Variants in NEGR1 observed in about 807,000 individuals in gnomAD.
The protein encoded by NEGR1 is IgLON family member 4.
NEGR1 carries 10 observed loss-of-function variants against 40.9 expected under a neutral mutation model. The ratio of observed to expected loss-of-function variants is 0.24; its 90% CI spans 0.15 to 0.42. NEGR1 has a LOEUF of 0.42. Ranked by LOEUF, NEGR1 falls within the 10% of genes least tolerant of loss-of-function variation. The pLI is 1.00. For missense variants in NEGR1, 352 were observed against 438.9 expected (o/e 0.80, Z 1.77); for synonymous variants, 185 against 166.8 (o/e 1.11, Z -0.84).
intron 5 of NEGR1, among the ~76,000 whole-genome samples, chr1:71,597,462 C>G (rs1169186724): frequency 0.072 from 2,137 of 29,866 alleles, 65 homozygotes; most frequent in African/African-American, 0.14. Flanking sequence ...CTCTCTCTCT[C>G]TCTCTCTCTC....
chr1:72,120,885 C>T (rs1049737367), intron 1 of NEGR1, among the ~76,000 whole-genome samples: 27 of 151,880 alleles, frequency 1.8e-4, no homozygotes, highest in African/African-American at 5.6e-4. Flanking sequence ...AAATAACTTG[C>T]TTTCACATAC....
intron 6 of NEGR1, among the ~76,000 whole-genome samples, chr1:71,408,436 G>GTCT (rs1646293201): frequency 6.6e-6 from 1 of 151,976 alleles, no homozygotes; most frequent in Non-Finnish European, 1.5e-5. Flanking sequence ...AAATATTACA[G>GTCT]TCTTATATAT....
intron 6 of NEGR1, among the ~76,000 whole-genome samples, chr1:71,571,787 C>CAAAAA (rs34844215): frequency 1.9e-5 from 2 of 106,502 alleles, no homozygotes; most frequent in African/African-American, 7.3e-5. Flanking sequence ...GCCCCTGTCT[C>CAAAAA]AAAAAAAAAA....
At chr1:72,184,133 G>A (rs1652520375) in intron 1 of NEGR1, among the ~76,000 whole-genome samples, 1 of 152,104 alleles carries the variant, frequency 6.6e-6, no homozygotes, top group Non-Finnish European at 1.5e-5. Context: ...TTATGGGAAA[G>A]GGAAGTTTGG....
chr1:71,954,498 C>A (rs1237599371), intron 1 of NEGR1, among the ~76,000 whole-genome samples: 1 of 151,540 alleles, frequency 6.6e-6, no homozygotes, highest in Non-Finnish European at 1.5e-5. Flanking sequence ...ATCATAGTAA[C>A]CCTCTGAAGT....
rs187609322 is a variant in NEGR1 at position 71,994,460 on chromosome 1, G to A, written c.177-59149C>T. ...GGAGAATGGCCTGAACCCGGGAGGC[G>A]GAGCTTGCAGTGAGCCGAGATGGCA... is the stretch of plus-strand genomic sequence containing the variant. On this transcript the variant is annotated intron_variant, in intron 1 of 6. Coordinates refer to ENST00000357731, the MANE Select transcript of NEGR1 (RefSeq NM_173808.3). Among the ~76,000 whole-genome samples, 736 of 151,876 alleles carry A rather than the reference G, an allele frequency of 4.8e-3. 4 individuals carry two copies. Among genetic ancestry groups the A allele is most frequent in the African/African-American group, 0.016 (668 of 41,412 alleles).
At chr1:71,771,699 CAAAAAAAAAA>C (rs60830449) in intron 3 of NEGR1, among the ~76,000 whole-genome samples, 287 of 12,126 alleles carry the variant, frequency 0.024, 8 homozygotes, top group African/African-American at 0.065. Context: ...GACTTAGTCT[CAAAAAAAAAA>C]AAAAAAAAAA....
At chr1:71,931,018 A>G (rs1239001010) in intron 2 of NEGR1, among the ~76,000 whole-genome samples, 1 of 152,138 alleles carries the variant, frequency 6.6e-6, no homozygotes, top group Non-Finnish European at 1.5e-5. Flanking sequence ...TATCCTCAAA[A>G]GGGCCCGGAA....
At chr1:71,507,571 TAAGACTATTTCAAAGCATTC>T (rs1248544505) in intron 6 of NEGR1, among the ~76,000 whole-genome samples, 17 of 152,138 alleles carry the variant, frequency 1.1e-4, no homozygotes, top group Non-Finnish European at 1.5e-4. Context: ...CCTCCCAAAC[TAAGACTATTTCAAAGCATTC>T]AAGTAAATTT....
chr1:71,567,152 A>C (rs957998778), intron 6 of NEGR1, among the ~76,000 whole-genome samples: 5 of 152,192 alleles, frequency 3.3e-5, no homozygotes, highest in Admixed American at 2.6e-4. Context: ...CTCAAGTTTT[A>C]GACCAATGCA....
chr1:72,110,246 T>G (rs1467425198), intron 1 of NEGR1, among the ~76,000 whole-genome samples: 1 of 133,476 alleles, frequency 7.5e-6, no homozygotes, highest in Non-Finnish European at 1.6e-5. Flanking sequence ...AAAAAAAGAA[T>G]TGTGTGTATA....
chr1:71,935,283 C>T lies in NEGR1; in HGVS notation c.205G>A (p.Gly69Ser). The T allele has an allele frequency of 6.2e-7, 1 of 1,613,672 alleles. No individual in the cohort carries two copies. ...RCYLEDGASKGAWLNRSSIIF... is the reference protein window; with the variant it reads ...RCYLEDGASKSAWLNRSSIIF... ...ATACTTGACCGGTTCAGCCAGGCAC[C>T]CTTTGAAGCTCCATCTTCCAAATAA... The change falls in exon 2 of 7, where the codon GGT becomes AGT. Residue 69 changes from glycine to serine, a missense_variant. By Grantham distance (56) the Gly-to-Ser change is moderately conservative. This residue lies in a region of NEGR1 where 81 missense variants were observed against 85.8 expected (regional missense o/e 0.94). Coordinates refer to ENST00000357731, the MANE Select transcript of NEGR1 (RefSeq NM_173808.3).
At chr1:71,440,407 T>C (rs1472881264) in intron 6 of NEGR1, among the ~76,000 whole-genome samples, 1 of 152,192 alleles carries the variant, frequency 6.6e-6, no homozygotes, top group African/African-American at 2.4e-5. Context: ...TTTATTTGGA[T>C]TAGAGATCTA....
At chr1:72,165,425 T>A (rs77773765) in intron 1 of NEGR1, among the ~76,000 whole-genome samples, 4,838 of 152,058 alleles carry the variant, frequency 0.032, 129 homozygotes, top group Middle Eastern at 0.071. Flanking sequence ...CAGTTTTAGA[T>A]CTGATGATTC....
chr1:71,836,134 C>A (rs1342260094), intron 2 of NEGR1, among the ~76,000 whole-genome samples: 1 of 151,876 alleles, frequency 6.6e-6, no homozygotes, highest in Non-Finnish European at 1.5e-5. Context: ...TGGAGTTAAA[C>A]CCAAATAGAC....
chr1:71,932,449 G>A (rs1645864429), intron 2 of NEGR1, among the ~76,000 whole-genome samples: 1 of 151,810 alleles, frequency 6.6e-6, no homozygotes, highest in African/African-American at 2.4e-5. Flanking sequence ...ATTAGAATGC[G>A]GGTTTTCCTA....
intron 1 of NEGR1, among the ~76,000 whole-genome samples, chr1:72,013,232 G>GA (rs1327395194): frequency 6.6e-5 from 10 of 151,954 alleles, no homozygotes; most frequent in East Asian, 3.9e-4. Flanking sequence ...TATTTTGTGG[G>GA]AAAAAATCCA....
chr1:72,117,692 T>A (rs1385912), intron 1 of NEGR1, among the ~76,000 whole-genome samples: 82,796 of 151,496 alleles, frequency 0.55, 23,360 homozygotes, highest in African/African-American at 0.7. Context: ...AGCCAGACAT[T>A]TATTCCGCAA....
At chr1:71,667,473 C>T (rs141152813) in intron 4 of NEGR1, among the ~76,000 whole-genome samples, 17 of 152,238 alleles carry the variant, frequency 1.1e-4, no homozygotes, top group African/African-American at 1.7e-4. Flanking sequence ...GGACAGAGCC[C>T]TGGGTGGGAT....
Sources: gnomAD v4.1 joint callset for allele counts (sites outside exome capture counted in the v4.1 genomes callset) on GRCh38, gnomAD v4.1.1 for gene constraint, gnomAD v4.1.1 regional missense constraint, MANE v1.5 for transcripts, NCBI Gene and HGNC (gene_info 2026-07-23, HGNC 2026-07-21) for gene names.